Variants in KIT observed in about 807,000 individuals in gnomAD.
KIT encodes KIT proto-oncogene, receptor tyrosine kinase.
Under a neutral mutation model 105.7 loss-of-function variants are expected in KIT, and 16 were observed. That is an observed-to-expected ratio of 0.15 (90% CI 0.10 to 0.23). The LOEUF (loss-of-function observed/expected upper bound fraction) is 0.23, where lower values mean the gene tolerates loss of function less well. KIT is among the 10% of genes least tolerant of loss of function. The pLI is 1.00. For synonymous variants in KIT, 438 were observed against 441.1 expected (o/e 0.99, Z 0.09); for missense variants, 858 against 1,213.8 (o/e 0.71, Z 4.36).
At chr4:54,658,481 T>G (rs1716983239) in intron 1 of KIT, among the ~76,000 whole-genome samples, 1 of 151,954 alleles carries the variant, frequency 6.6e-6, no homozygotes. Context: ...CGCAGCTTCC[T>G]TTTGTTAAAA....
chr4:54,694,476 G>A (rs370627353), intron 1 of KIT, among the ~76,000 whole-genome samples: 69 of 151,946 alleles, frequency 4.5e-4, no homozygotes, highest in African/African-American at 1.5e-3. Flanking sequence ...TCAGCCTCCC[G>A]CCTCAGCCTC....
chr4:54,726,875 A>C (rs544859136), intron 9 of KIT, among the ~76,000 whole-genome samples: 8 of 152,124 alleles, frequency 5.3e-5, no homozygotes, highest in Admixed American at 5.2e-4. Context: ...TAAACCGTCC[A>C]TAAAGGAAGC....
Position 54,716,958 on chromosome 4 carries a change from G to A in KIT, c.1232-6626G>A, listed in dbSNP as rs549628416. Among the ~76,000 whole-genome samples the A allele has an allele frequency of 1.6e-4, 24 of 152,184 alleles. No homozygotes were observed. The South Asian group carries it at 2.9e-3, about 18-fold the overall frequency. ...GTGGTAGCTAATCTATGTAAAAATC[G>A]TTGCTTGTCTTTTCACATTAATCTT... On this transcript the variant is annotated intron_variant, in intron 7 of 20. Coordinates refer to ENST00000288135, the MANE Select transcript of KIT (RefSeq NM_000222.3).
rs1722714618 is a variant in KIT at position 54,733,177 on chromosome 4, T to C, written c.2469T>C (p.Tyr823=). 6.2e-7 allele frequency: 1 copy of C among 1,612,620 alleles called. No homozygotes were observed. The highest frequency in any genetic ancestry group is 8.5e-7 in the Non-Finnish European group (1 of 1,179,102). Residue 823 remains tyrosine, a synonymous_variant, in exon 17 of 21, where the codon TAT becomes TAC. Transcript: ENST00000288135. ...LARDIKNDSN[Y]VVKGNARLPV... ...GAGACATCAAGAATGATTCTAATTA[T>C]GTGGTTAAAGGAAACGTGAGTACCC...
At chr4:54,710,104 C>G (rs1005057341) in intron 7 of KIT, among the ~76,000 whole-genome samples, 2 of 152,206 alleles carry the variant, frequency 1.3e-5, no homozygotes, top group African/African-American at 4.8e-5. Context: ...CACCTGAGCA[C>G]CCAAGTCCTG....
In KIT at chr4:54,675,864, C is replaced by T. The variant is rs969157634; in HGVS notation, c.67+17783C>T. ...CAGATGTAGTGCACCAGATTGAGGT[C>T]TGATGTGCTGCAGAAGTTGTATTTG... On this transcript the variant is annotated intron_variant, in intron 1 of 20. Coordinates refer to ENST00000288135, the MANE Select transcript of KIT (RefSeq NM_000222.3). Among the ~76,000 whole-genome samples, 5 of 152,152 alleles carry T rather than the reference C, an allele frequency of 3.3e-5. No individual in the cohort carries two copies. The East Asian group carries it at 9.6e-4, about 29-fold the overall frequency.
intron 16 of KIT, 68 bp downstream of exon 16, chr4:54,732,066 TTTTTG>T (rs1722643922): frequency 6.7e-7 from 1 of 1,484,656 alleles, no homozygotes; most frequent in African/African-American, 1.5e-5. Flanking sequence ...TTTTTTTTTT[TTTTTG>T]AGAACAGAGC....
chr4:54,739,753 T>C lies in KIT; in HGVS notation c.*1196T>C. 4.3e-6 allele frequency: 1 copy of C among 233,592 alleles called. No homozygotes were observed. The highest frequency in any genetic ancestry group is 8.5e-6 in the Non-Finnish European group (1 of 117,954). 14.5% of individuals were successfully genotyped at this position (233,592 alleles called of 1,614,324 possible). ...GGTCCTTTAGTACCTGAAAAGTAAC[T>C]TGGCTTTCATTATTAGTACTGCTCT... is the stretch of plus-strand genomic sequence containing the variant. On this transcript the variant is annotated 3_prime_UTR_variant, in exon 21 of 21. Coordinates refer to ENST00000288135, the MANE Select transcript of KIT (RefSeq NM_000222.3).
rs561027108 is a variant in KIT, at chr4:54,666,891, G to T, written c.67+8810G>T. Among the ~76,000 whole-genome samples, 131 of 152,240 alleles carry T rather than the reference G, an allele frequency of 8.6e-4. 1 individual carries two copies. The highest frequency in any genetic ancestry group is 3.1e-3 in the African/African-American group (127 of 41,542). ...CTATAGTCACAATTTCGGCTATATT[G>T]ATAACAGCAAGTAAAGAACCCACAG... On this transcript the variant is annotated intron_variant, in intron 1 of 20. Transcript: ENST00000288135.
At chr4:54,685,957 TGTATG>T (rs1719284772) in intron 1 of KIT, among the ~76,000 whole-genome samples, 1 of 152,222 alleles carries the variant, frequency 6.6e-6, no homozygotes, top group African/African-American at 2.4e-5. Flanking sequence ...CTTGCTTCAT[TGTATG>T]GTAATTATGT....
chr4:54,658,666 C>T (rs911388030), intron 1 of KIT, among the ~76,000 whole-genome samples: 1 of 152,050 alleles, frequency 6.6e-6, no homozygotes, highest in Non-Finnish European at 1.5e-5. Flanking sequence ...CGGCGCCACC[C>T]GTGGAGACCA....
At chr4:54,717,692 C>A (rs759916657) in intron 7 of KIT, among the ~76,000 whole-genome samples, 12 of 152,062 alleles carry the variant, frequency 7.9e-5, no homozygotes, top group Non-Finnish European at 1.6e-4. Context: ...TGCAAGGTCA[C>A]CTGTAATGTA....
intron 1 of KIT, among the ~76,000 whole-genome samples, chr4:54,677,508 G>A (rs1718565143): frequency 6.6e-6 from 1 of 152,194 alleles, no homozygotes; most frequent in African/African-American, 2.4e-5. Flanking sequence ...CTGGAGTAAA[G>A]GTGGCCCCGG....
At chr4:54,707,346 T>A in intron 6 of KIT, 59 bp downstream of exon 6, 1 of 1,204,990 alleles carries the variant, frequency 8.3e-7, no homozygotes, top group Non-Finnish European at 1.2e-6. Context: ...AGTGGGCTTA[T>A]CAGATCTTAT....
At chr4:54,729,521 A>C (rs1159012360) in intron 14 of KIT, 36 bp downstream of exon 14, 3 of 1,607,606 alleles carry the variant, frequency 1.9e-6, no homozygotes, top group Non-Finnish European at 2.5e-6. Flanking sequence ...AGCTGTTGAC[A>C]GGCAGTTCAT....
chr4:54,663,633 A>G (rs536216943), intron 1 of KIT, among the ~76,000 whole-genome samples: 4 of 152,248 alleles, frequency 2.6e-5, no homozygotes, highest in South Asian at 4.2e-4. Flanking sequence ...AAGAGATACA[A>G]ATTTCTTGAT....
intron 2 of KIT, among the ~76,000 whole-genome samples, chr4:54,697,147 T>C (rs530127609): frequency 6.6e-6 from 1 of 152,308 alleles, no homozygotes; most frequent in South Asian, 2.1e-4. Context: ...TCAAGTGACC[T>C]ACAAAGAGTA....
rs181755920 is a variant in KIT, at chr4:54,659,698, C to T, written c.67+1617C>T. On this transcript the variant is annotated intron_variant, in intron 1 of 20. Transcript: ENST00000288135. ...GATTTGATCACCTAGCTTAAAACAA[C>T]ACATCTGGTCTTTATGTTTTTGTGC... is the stretch of plus-strand genomic sequence containing the variant. Among the ~76,000 whole-genome samples, 354 of 152,298 alleles carry T rather than the reference C, an allele frequency of 2.3e-3. 10 individuals are homozygous for T. Among genetic ancestry groups the T allele is most frequent in the Non-Finnish European group, 7.6e-4 (52 of 68,028 alleles).
chr4:54,725,258 C>T (rs1210135523), intron 8 of KIT, among the ~76,000 whole-genome samples: 1 of 152,068 alleles, frequency 6.6e-6, no homozygotes, highest in Non-Finnish European at 1.5e-5. Context: ...GCGCCTGCCA[C>T]CACGCCCAGC....
Sources: gnomAD v4.1 joint callset for allele counts (sites outside exome capture counted in the v4.1 genomes callset) on GRCh38, gnomAD v4.1.1 for gene constraint, MANE v1.5 for transcripts, NCBI Gene and HGNC (gene_info 2026-07-23, HGNC 2026-07-21) for gene names.